CD163L1: variants seen among roughly 807,000 people sequenced by gnomAD.
CD163L1 encodes scavenger receptor cysteine-rich type 1 protein M160.
A neutral mutation model predicts 165.4 loss-of-function variants in CD163L1; 124 were observed. That is an observed-to-expected ratio of 0.75 (90% CI 0.65 to 0.87). The LOEUF (loss-of-function observed/expected upper bound fraction) is 0.87, where lower values mean the gene tolerates loss of function less well. Among genes scored for constraint, CD163L1 ranks in the 40% least tolerant of loss-of-function variants. The pLI, the probability that CD163L1 is intolerant of heterozygous loss-of-function variation, is 0.00. For missense variants in CD163L1, 1,525 were observed against 1,799.9 expected (o/e 0.85, Z 2.76); for synonymous variants, 585 against 662.2 (o/e 0.88, Z 1.79).
intron 8 of CD163L1, among the ~76,000 whole-genome samples, chr12:7,380,891 G>T (rs1313570141): frequency 1.3e-5 from 2 of 152,130 alleles, no homozygotes; most frequent in Non-Finnish European, 2.9e-5. Flanking sequence ...GACATAAAAT[G>T]AAATGAATCT....
chr12:7,380,530 G>A (rs1398557837), intron 8 of CD163L1, among the ~76,000 whole-genome samples: 2 of 151,912 alleles, frequency 1.3e-5, no homozygotes, highest in Non-Finnish European at 2.9e-5. Flanking sequence ...ACTCAGGAAT[G>A]GAAAACCAAA....
At chr12:7,415,805 T>A (rs938194874) in intron 4 of CD163L1, among the ~76,000 whole-genome samples, 12 of 152,250 alleles carry the variant, frequency 7.9e-5, no homozygotes. Context: ...CGTGCCACGT[T>A]TTCTTTATCC....
intron 4 of CD163L1, among the ~76,000 whole-genome samples, chr12:7,419,607 T>G (rs1948310063): frequency 6.6e-6 from 1 of 151,968 alleles, no homozygotes; most frequent in African/African-American, 2.4e-5. Context: ...TAGAAAACCC[T>G]AAAGACCTCC....
At chr12:7,408,495 T>A (rs1951688213) in intron 4 of CD163L1, among the ~76,000 whole-genome samples, 1 of 152,222 alleles carries the variant, frequency 6.6e-6, no homozygotes. Flanking sequence ...ATCAGTTGTA[T>A]GTATTTTGGG....
intron 8 of CD163L1, among the ~76,000 whole-genome samples, chr12:7,395,835 G>A (rs772662582): frequency 5.9e-5 from 9 of 152,042 alleles, no homozygotes; most frequent in Non-Finnish European, 1.0e-4. Flanking sequence ...TCTTTTTGTA[G>A]AATTGTATTG....
chr12:7,384,499 C>T (rs372477271), intron 8 of CD163L1, among the ~76,000 whole-genome samples: 1 of 152,166 alleles, frequency 6.6e-6, no homozygotes, highest in African/African-American at 2.4e-5. Flanking sequence ...GCACATTATA[C>T]TCAAACTGTG....
chr12:7,415,526 A>G (rs1948219793), intron 4 of CD163L1, among the ~76,000 whole-genome samples: 2 of 152,144 alleles, frequency 1.3e-5, no homozygotes, highest in African/African-American at 2.4e-5. Context: ...TGGGGCACCC[A>G]TCAACCAGTC....
downstream of CD163L1, among the ~76,000 whole-genome samples, chr12:7,352,996 A>AC (rs1483754759): frequency 3.9e-5 from 6 of 152,166 alleles, no homozygotes; most frequent in Non-Finnish European, 7.4e-5. Context: ...AGGTCCAGGT[A>AC]CTGGACTGAA....
At chr12:7,357,853 A>T (rs1946809781) in intron 18 of CD163L1, among the ~76,000 whole-genome samples, 1 of 152,108 alleles carries the variant, frequency 6.6e-6, no homozygotes. Flanking sequence ...ATATTTAGGG[A>T]ATTGTTCCAT....
the CD163L1 span, among the ~76,000 whole-genome samples, chr12:7,321,473 G>C: frequency 6.6e-6 from 1 of 152,342 alleles, no homozygotes; most frequent in Admixed American, 6.5e-5. Context: ...GAGGGAAAGT[G>C]CTATGCGAGA....
At chr12:7,351,537 T>G (rs561551170), downstream of CD163L1, among the ~76,000 whole-genome samples, 1 of 152,128 alleles carries the variant, frequency 6.6e-6, no homozygotes, top group African/African-American at 2.4e-5. Context: ...TCCCACCCTA[T>G]GATCCCATTT....
intron 9 of CD163L1, among the ~76,000 whole-genome samples, chr12:7,376,687 A>T (rs879656734): frequency 4.6e-5 from 7 of 152,220 alleles, no homozygotes; most frequent in Admixed American, 4.6e-4. Context: ...ATATTTTGAA[A>T]TAATTCTTGA....
rs756773397 is a variant in CD163L1, at chr12:7,368,245, T to C, written c.4073-48A>G. Reference sequence around the variant, plus strand: ...TAAGTATTAAACTAGTAGATATCAATTGTGGGTTTATACATTGTAAAAAAA... The same window carrying C: ...TAAGTATTAAACTAGTAGATATCAACTGTGGGTTTATACATTGTAAAAAAA... On this transcript the variant is annotated intron_variant, in intron 16 of 19. Coordinates refer to ENST00000313599, the MANE Select transcript of CD163L1 (RefSeq NM_174941.6). This position sits in a 1 kb window ranked among gnomAD's most constrained non-coding sequence, Gnocchi z 4.3. The C allele has an allele frequency of 2.8e-6, 3 of 1,088,208 alleles. No homozygotes were observed. In the African/African-American group the frequency reaches 4.8e-5, roughly 17 times the overall value. The allele number at this position is 1,088,208 out of a possible 1,614,324, so 67.4% of individuals were successfully genotyped here. A position where few individuals can be genotyped will look rare whatever the true frequency, so the allele number is the denominator to read the frequency against.
intron 4 of CD163L1, among the ~76,000 whole-genome samples, chr12:7,423,878 A>C (rs774770517): frequency 6.6e-6 from 1 of 152,312 alleles, no homozygotes; most frequent in African/African-American, 2.4e-5. Flanking sequence ...AGATGGATTC[A>C]CAGCCGAACT....
chr12:7,403,880 T>A (rs1363629178), intron 5 of CD163L1, 25 bp from the exon 6 acceptor site: 1 of 1,600,984 alleles, frequency 6.2e-7, no homozygotes, highest in Admixed American at 1.7e-5. Context: ...CAGAGAAACG[T>A]CTGAATTGGG....
At chr12:7,324,348 G>A in the CD163L1 span, 1 of 1,614,116 alleles carries the variant, frequency 6.2e-7, no homozygotes, top group South Asian at 1.1e-5. Flanking sequence ...GATGGACAGT[G>A]ATGGGTATTT....
At chr12:7,435,619 A>G (rs2136640068) in intron 2 of CD163L1, among the ~76,000 whole-genome samples, 1 of 152,166 alleles carries the variant, frequency 6.6e-6, no homozygotes, top group Non-Finnish European at 1.5e-5. Context: ...ATATTTGAAA[A>G]TATATATACA....
chr12:7,388,916 T>A (rs1195044999), intron 8 of CD163L1, among the ~76,000 whole-genome samples: 1 of 152,158 alleles, frequency 6.6e-6, no homozygotes, highest in Non-Finnish European at 1.5e-5. Context: ...AATACCTCCA[T>A]GTTGTTGCAA....
intron 17 of CD163L1, among the ~76,000 whole-genome samples, chr12:7,367,703 T>TTA (rs1251675355): frequency 6.6e-6 from 1 of 152,140 alleles, no homozygotes; most frequent in East Asian, 1.9e-4. Context: ...AGCTAGTAAG[T>TTA]TATATAAGTG....
Sources: allele counts gnomAD v4.1 joint callset (sites outside exome capture counted in the v4.1 genomes callset), GRCh38; gene constraint gnomAD v4.1.1; non-coding constraint Gnocchi (gnomAD v3.1); transcripts MANE v1.5; gene names NCBI Gene and HGNC (gene_info 2026-07-23, HGNC 2026-07-21).